NDUFAF6: variants seen among roughly 807,000 people sequenced by gnomAD.
NDUFAF6 encodes NADH dehydrogenase (ubiquinone) complex I, assembly factor 6.
NDUFAF6 carries 45 observed loss-of-function variants against 40.8 expected under a neutral mutation model. That is an observed-to-expected ratio of 1.10 (90% confidence interval 0.87 to 1.42). The LOEUF is 1.42. NDUFAF6 is among the 40% of genes most tolerant of loss of function. NDUFAF6 has a pLI of 0.00. For synonymous variants in NDUFAF6, 185 were observed against 155.9 expected (o/e 1.19, Z -1.39); for missense variants, 435 against 418.5 (o/e 1.04, Z -0.34).
chr8:95,073,586 G>A (rs1270442735), intron 9 of NDUFAF6, among the ~76,000 whole-genome samples: 2 of 152,084 alleles, frequency 1.3e-5, no homozygotes, highest in African/African-American at 4.8e-5. Flanking sequence ...CCCTTCCGCA[G>A]GGGTCCTGCG....
chr8:94,946,689 C>G (rs539198657), intron 2 of NDUFAF6, among the ~76,000 whole-genome samples: 6 of 33,984 alleles, frequency 1.8e-4, no homozygotes, highest in Middle Eastern at 0.024. Context: ...AGAGTAAGAC[C>G]CTGTCTCAAA....
At chr8:94,961,952 T>A (rs1443413178) in intron 1 of NDUFAF6, among the ~76,000 whole-genome samples, 1 of 152,214 alleles carries the variant, frequency 6.6e-6, no homozygotes, top group African/African-American at 2.4e-5. Flanking sequence ...CATTTCTGAT[T>A]CAGTAGGTCT....
At chr8:94,930,766 A>G (rs570238273) in intron 1 of NDUFAF6, 29 of 1,599,404 alleles carry the variant, frequency 1.8e-5, no homozygotes, top group Non-Finnish European at 2.5e-5. Flanking sequence ...TAAATAACAG[A>G]GTATGTTATT....
intron 1 of NDUFAF6, among the ~76,000 whole-genome samples, chr8:94,936,216 T>G (rs1050521844): frequency 2.0e-5 from 3 of 152,240 alleles, no homozygotes; most frequent in Non-Finnish European, 4.4e-5. Flanking sequence ...ATACCCATGC[T>G]GTGTTTGGTG....
chr8:94,916,424 G>A (rs762350422), intron 1 of NDUFAF6, among the ~76,000 whole-genome samples: 1 of 152,156 alleles, frequency 6.6e-6, no homozygotes, highest in Non-Finnish European at 1.5e-5. Context: ...GACCCATCCC[G>A]GCTGTCATCC....
intron 2 of NDUFAF6, among the ~76,000 whole-genome samples, chr8:95,012,293 T>A (rs1827256877): frequency 6.6e-6 from 1 of 152,188 alleles, no homozygotes; most frequent in Admixed American, 6.5e-5. Flanking sequence ...AAGTAAGGGC[T>A]CTTAACTCTT....
chr8:95,032,206 C>T (rs774843618), intron 2 of NDUFAF6, 112 bp downstream of exon 2: 1 of 907,348 alleles, frequency 1.1e-6, no homozygotes, highest in East Asian at 2.6e-5. Context: ...TGTTTAAGGT[C>T]TCTGCTAGTG....
chr8:95,088,422 T>A (rs146237997), intron 2 of NDUFAF6, among the ~76,000 whole-genome samples: 8 of 152,198 alleles, frequency 5.3e-5, no homozygotes, highest in African/African-American at 1.7e-4. Flanking sequence ...TATTCTTCCA[T>A]TGGGGGCTGC....
intron 1 of NDUFAF6, chr8:94,931,987 G>GGTCTT: frequency 7.3e-7 from 1 of 1,378,422 alleles, no homozygotes; most frequent in Non-Finnish European, 1.0e-6. Flanking sequence ...AAGAAAGAAA[G>GGTCTT]TCATTTTTAA....
chr8:95,015,013 T>C (rs139943771), intron 2 of NDUFAF6, among the ~76,000 whole-genome samples: 1 of 152,344 alleles, frequency 6.6e-6, no homozygotes, highest in African/African-American at 2.4e-5. Context: ...TAATCAATGA[T>C]AATTTCTAGA....
intron 2 of NDUFAF6, among the ~76,000 whole-genome samples, chr8:94,995,642 G>A (rs1263898626): frequency 2.0e-5 from 3 of 151,880 alleles, no homozygotes; most frequent in East Asian, 1.9e-4. Flanking sequence ...CTGAGAAATC[G>A]CTTCATAGTT....
rs753959036 is a variant in NDUFAF6 at position 94,940,109 on chromosome 8, C to A, written c.-935-5374C>A. On this transcript the variant is annotated intron_variant, in intron 1 of 14. Transcript: ENST00000396113. ...GCAGGAATCACTTGTATCAGCCAAG[C>A]ACTCAAGAGATGCCGGTAAACAGGA... 8.1e-6 allele frequency: 13 copies of A among 1,614,104 alleles called. No individual in the cohort carries two copies. In the African/African-American group the frequency reaches 1.5e-4, roughly 18 times the overall value.
intron 1 of NDUFAF6, among the ~76,000 whole-genome samples, chr8:94,913,379 A>G (rs149848826): frequency 1.6e-3 from 242 of 152,338 alleles, no homozygotes; most frequent in African/African-American, 5.5e-3. Context: ...ATAAATGTAC[A>G]TGGCTCAAAG....
intron 5 of NDUFAF6, among the ~76,000 whole-genome samples, chr8:95,046,109 G>A (rs1036993013): frequency 9.2e-5 from 14 of 151,848 alleles, no homozygotes; most frequent in African/African-American, 2.9e-4. Flanking sequence ...TCCCCAGGCT[G>A]GAGTGCAGTG....
At chr8:94,953,631 T>C (rs1822822771), upstream of NDUFAF6, among the ~76,000 whole-genome samples, 2 of 152,232 alleles carry the variant, frequency 1.3e-5, no homozygotes, top group Admixed American at 6.5e-5. Flanking sequence ...ACAGTCCGCA[T>C]ATGCCAGAGG....
intron 5 of NDUFAF6, among the ~76,000 whole-genome samples, chr8:95,046,246 A>C (rs1292484696): frequency 7.2e-5 from 11 of 152,024 alleles, no homozygotes; most frequent in Admixed American, 7.2e-4. Flanking sequence ...CTTTTAGTAG[A>C]GACGAGGCCA....
chr8:94,956,157 G>A (rs1024469818), upstream of NDUFAF6, among the ~76,000 whole-genome samples: 16 of 152,164 alleles, frequency 1.1e-4, no homozygotes, highest in Admixed American at 9.8e-4. Flanking sequence ...CTCCTTCAGT[G>A]GTTCCGAGGT....
At chr8:95,080,044 G>A (rs1226210607), downstream of NDUFAF6, among the ~76,000 whole-genome samples, 17 of 83,766 alleles carry the variant, frequency 2.0e-4, 4 homozygotes, top group African/African-American at 8.1e-4. Flanking sequence ...CGTATTTTTT[G>A]TAGTGATTTT....
intron 1 of NDUFAF6, among the ~76,000 whole-genome samples, chr8:94,911,192 A>T (rs1269131968): frequency 6.6e-6 from 1 of 152,186 alleles, no homozygotes; most frequent in African/African-American, 2.4e-5. Flanking sequence ...GCATGTATTG[A>T]TATTGTGATT....
Sources: gnomAD v4.1 joint callset for allele counts (sites outside exome capture counted in the v4.1 genomes callset) on GRCh38, gnomAD v4.1.1 for gene constraint, MANE v1.5 for transcripts, NCBI Gene and HGNC (gene_info 2026-07-23, HGNC 2026-07-21) for gene names.